ADAMTS1: variants seen among roughly 807,000 people sequenced by gnomAD.
ADAMTS1 encodes A disintegrin and metalloproteinase with thrombospondin motifs 1.
Under a neutral mutation model 87.9 loss-of-function variants are expected in ADAMTS1, and 19 were observed. The ratio of observed to expected loss-of-function variants is 0.22; its 90% CI spans 0.15 to 0.32. ADAMTS1 has a LOEUF of 0.32. Among genes scored for constraint, ADAMTS1 ranks in the 10% least tolerant of loss-of-function variants. The pLI, the probability that ADAMTS1 is intolerant of heterozygous loss-of-function variation, is 1.00. For missense variants in ADAMTS1, 1,240 were observed against 1,259.1 expected (o/e 0.98, Z 0.23); for synonymous variants, 542 against 501.8 (o/e 1.08, Z -1.07).
In ADAMTS1 at chr21:26,842,514, G is replaced by T. The variant is rs1985516311; in HGVS notation, c.902C>A (p.Ser301Ter). 6.2e-7 allele frequency: 1 copy of T among 1,614,080 alleles called. No individual in the cohort carries two copies. Among genetic ancestry groups the T allele is most frequent in the Non-Finnish European group, 8.5e-7 (1 of 1,180,048 alleles). The change falls in exon 2 of 9, where the codon TCA becomes TAA. Residue 301 changes from serine to a stop codon, truncating the protein, a stop_gained. Coordinates refer to ENST00000284984, the MANE Select transcript of ADAMTS1 (RefSeq NM_006988.5). LOFTEE classifies it high-confidence loss of function. ...GATCTTCACCACCACCAGGCTAACT[G>T]AATTACGAATGCTGGGGTGTTTGTA... is the stretch of plus-strand genomic sequence containing the variant. ...RLYKHPSIRNSVSLVVVKILV... is the reference protein window; with the variant it reads ...RLYKHPSIRN
In ADAMTS1 at chr21:26,842,140, C is replaced by G; in HGVS notation, c.1078-150G>C. 3 of 1,099,356 alleles carry G rather than the reference C, an allele frequency of 2.7e-6. No individual in the cohort carries two copies. The South Asian group carries it at 5.1e-5, about 19-fold the overall frequency. 68.1% of individuals were successfully genotyped at this position (1,099,356 alleles called of 1,614,324 possible). ...AAGACTTCATGTGACTTTAATCAAG[C>G]TTTTTTCTAATGCTTTTAAAATAGA... On this transcript the variant is annotated intron_variant, in intron 2 of 8. Transcript: ENST00000284984.
chr21:26,837,190 C>A lies in ADAMTS1; in HGVS notation c.*389G>T, dbSNP rs1353671108. The A allele has an allele frequency of 5.8e-6, 1 of 171,512 alleles. No individual in the cohort carries two copies. Among genetic ancestry groups the A allele is most frequent in the Non-Finnish European group, 1.3e-5 (1 of 78,680 alleles). 10.6% of individuals were successfully genotyped at this position (171,512 alleles called of 1,614,324 possible). On this transcript the variant is annotated 3_prime_UTR_variant, in exon 9 of 9. Coordinates refer to ENST00000284984, the MANE Select transcript of ADAMTS1 (RefSeq NM_006988.5). ...AAAATCTCACTTTTCTCCTACTTTT[C>A]ATTTCCCAACCCCCATGATACTAAG... is the stretch of plus-strand genomic sequence containing the variant.
chr21:26,842,313 C>T, intron 2 of ADAMTS1, 26 bp downstream of exon 2: 1 of 1,602,324 alleles, frequency 6.2e-7, no homozygotes, highest in Non-Finnish European at 8.5e-7. Flanking sequence ...AGGACAGTCT[C>T]ACAGCTGGTA....
At position 26,837,755 on chromosome 21, in the gene ADAMTS1, G is replaced by A. The variant is rs761926211; in HGVS notation, c.2728C>T (p.Pro910Ser). Reference sequence around the variant, plus strand: ...GACCACTCCCCCAGCTGCCACTGGGGGCAGGGATGGTCTGCACAAGGTCTG... The same window carrying A: ...GACCACTCCCCCAGCTGCCACTGGGAGCAGGGATGGTCTGCACAAGGTCTG... Reference protein sequence around the residue: ...STRPCADHPCPQWQLGEWSSC... With the variant: ...STRPCADHPCSQWQLGEWSSC... The change falls in exon 9 of 9, where the codon CCC becomes TCC. Residue 910 changes from proline (P) to serine (S), a missense_variant. By Grantham distance (74) the Pro-to-Ser change is moderately conservative. This residue lies in a region of ADAMTS1 where 402 missense variants were observed against 399.1 expected (regional missense o/e 1.01). Transcript: ENST00000284984. 3.1e-5 allele frequency: 50 copies of A among 1,614,014 alleles called. No homozygotes were observed. Among genetic ancestry groups the A allele is most frequent in the Admixed American group, 3.0e-4 (18 of 59,994 alleles).
chr21:26,842,501 C>T lies in ADAMTS1; in HGVS notation c.915G>A (p.Val305=), dbSNP rs140514122. The T allele has an allele frequency of 1.4e-5, 23 of 1,614,074 alleles. No homozygotes were observed. The African/African-American group carries it at 2.7e-4, about 19-fold the overall frequency. ...CGTGGATGACCAAGATCTTCACCAC[C>T]ACCAGGCTAACTGAATTACGAATGC... is the stretch of plus-strand genomic sequence containing the variant. ...HPSIRNSVSL[V]VVKILVIHDE... Residue 305 remains valine (V), a synonymous_variant, in exon 2 of 9, where the codon GTG becomes GTA. Transcript: ENST00000284984.
intron 1 of ADAMTS1, chr21:26,843,067 C>G (rs1351861871): frequency 3.6e-6 from 1 of 274,060 alleles, no homozygotes; most frequent in African/African-American, 2.3e-5. Context: ...GGGCTCAAAT[C>G]CTGAATGAGA....
intron 4 of ADAMTS1, 43 bp from the exon 5 acceptor site, chr21:26,840,605 G>C (rs1345639431): frequency 6.3e-7 from 1 of 1,581,484 alleles, no homozygotes; most frequent in African/African-American, 1.3e-5. Flanking sequence ...GAGTTAGTGA[G>C]GGCATGAAGG....
intron 7 of ADAMTS1, 188 bp from the exon 8 acceptor site, chr21:26,838,802 G>A (rs1367935771): frequency 1.9e-6 from 1 of 515,846 alleles, no homozygotes; most frequent in Non-Finnish European, 3.3e-6. Flanking sequence ...ATAGACATCT[G>A]AAGAAATTAG....
Position 26,837,257 on chromosome 21 carries a change from A to G in ADAMTS1, c.*322T>C, listed in dbSNP as rs1319308030. Reference sequence around the variant, plus strand: ...GGAAACAGGGGTTGTAATAGTTCTAACTTTTTTTGACAATTGCTTTGTTTT... The same window carrying G: ...GGAAACAGGGGTTGTAATAGTTCTAGCTTTTTTTGACAATTGCTTTGTTTT... On this transcript the variant is annotated 3_prime_UTR_variant, in exon 9 of 9. Transcript: ENST00000284984. 8.3e-6 allele frequency: 2 copies of G among 241,240 alleles called. No individual in the cohort carries two copies. Among genetic ancestry groups the G allele is most frequent in the Non-Finnish European group, 8.1e-6 (1 of 123,864 alleles). 14.9% of individuals were successfully genotyped at this position (241,240 alleles called of 1,614,324 possible).
rs891930040 is a variant in ADAMTS1 at position 26,836,813 on chromosome 21, T to A, written c.*766A>T. ...AGGAAAGAAAGGAAGTTGGAGGTAC[T>A]AAGCTCATTGTGTCTCCTCTAGCTT... On this transcript the variant is annotated 3_prime_UTR_variant, in exon 9 of 9. Transcript: ENST00000284984. 3 of 152,290 alleles carry A rather than the reference T, an allele frequency of 2.0e-5. No individual in the cohort carries two copies. The highest frequency in any genetic ancestry group is 7.2e-5 in the African/African-American group (3 of 41,466). 9.4% of individuals were successfully genotyped at this position (152,290 alleles called of 1,614,324 possible). A position where few individuals can be genotyped will look rare whatever the true frequency, so the allele number is the denominator to read the frequency against.
In ADAMTS1 at chr21:26,844,970, C is replaced by T; in HGVS notation, c.-16G>A. The T allele has an allele frequency of 6.7e-7, 1 of 1,496,648 alleles. No homozygotes were observed. The highest frequency in any genetic ancestry group is 1.4e-5 in the South Asian group (1 of 73,770). 92.7% of individuals were successfully genotyped at this position (1,496,648 alleles called of 1,614,324 possible). On this transcript the variant is annotated 5_prime_UTR_variant, in exon 1 of 9. Coordinates refer to ENST00000284984, the MANE Select transcript of ADAMTS1 (RefSeq NM_006988.5). ...CTCGCTGCATTGGAGCCCCAGGAGA[C>T]ACCGCTCGTAGCAGCGCACGGAGCG...
rs754388033 is a variant in ADAMTS1, at chr21:26,844,440, G to A, written c.515C>T (p.Ala172Val). The change falls in exon 1 of 9, where the codon GCC becomes GTC. Residue 172 changes from alanine to valine, a missense_variant. By Grantham distance (64) the Ala-to-Val change is moderately conservative. Transcript: ENST00000284984. Reference protein sequence around the residue: ...PAASERLATAAPGEKPPAPLQ... With the variant: ...PAASERLATAVPGEKPPAPLQ... ...TGGTGCCGGCGGCTTCTCCCCTGGG[G>A]CGGCGGTGGCGAGGCGCTCGCTGGC... 6.3e-7 allele frequency: 1 copy of A among 1,587,664 alleles called. No homozygotes were observed. The highest frequency in any genetic ancestry group is 1.7e-5 in the Admixed American group (1 of 57,602).
At position 26,839,781 on chromosome 21, in the gene ADAMTS1, G is replaced by GAT. The variant is rs1335385828; in HGVS notation, c.1853-21_1853-20dup. 7 of 1,603,708 alleles carry GAT rather than the reference G, an allele frequency of 4.4e-6. No homozygotes were observed. The East Asian group carries it at 1.6e-4, about 36-fold the overall frequency. ...GTTTTTCCTGGAAAGAGAATAATAT[G>GAT]ATAACATTATCAGTTTCCAATCTTG... On this transcript the variant is annotated intron_variant, in intron 6 of 8. Transcript: ENST00000284984.
chr21:26,836,464 C>T lies in ADAMTS1; in HGVS notation c.*1115G>A, dbSNP rs746375979. 6.6e-6 allele frequency: 1 copy of T among 152,466 alleles called. No homozygotes were observed. Among genetic ancestry groups the T allele is most frequent in the Non-Finnish European group, 1.5e-5 (1 of 68,002 alleles). The allele number at this position is 152,466 out of a possible 1,614,324, so 9.4% of individuals were successfully genotyped here. On this transcript the variant is annotated 3_prime_UTR_variant, in exon 9 of 9. Coordinates refer to ENST00000284984, the MANE Select transcript of ADAMTS1 (RefSeq NM_006988.5). ...TATAGTCCTTCTTGGAAGGAACACC[C>T]AAACCAATACTTATAAAGTACATGT...
At position 26,845,332 on chromosome 21, in the gene ADAMTS1, G is replaced by A. The variant is rs544247510; in HGVS notation, c.-378C>T. On this transcript the variant is annotated 5_prime_UTR_variant, in exon 1 of 9. Coordinates refer to ENST00000284984, the MANE Select transcript of ADAMTS1 (RefSeq NM_006988.5). ...GCTGCGATGTTGCTCACTCTGCTCA[G>A]GGCTCTCCCCTCTCCGTCCGGTAGC... The A allele has an allele frequency of 4.5e-5, 9 of 201,446 alleles. No homozygotes were observed. The highest frequency in any genetic ancestry group is 8.9e-5 in the Non-Finnish European group (9 of 101,028). 12.5% of individuals were successfully genotyped at this position (201,446 alleles called of 1,614,324 possible).
chr21:26,843,779 T>C (rs773557313), intron 1 of ADAMTS1: 1 of 485,920 alleles, frequency 2.1e-6, no homozygotes, highest in Admixed American at 2.1e-5. Context: ...CCTCTCCACA[T>C]CCGCCCTCCC....
chr21:26,842,735 T>G (rs1478817270), intron 1 of ADAMTS1, 50 bp from the exon 2 acceptor site: 1 of 1,510,620 alleles, frequency 6.6e-7, no homozygotes, highest in South Asian at 1.2e-5. Context: ...CCAAGAATAG[T>G]TACCTTCCTA....
chr21:26,842,012 A>G, intron 2 of ADAMTS1, 22 bp from the exon 3 acceptor site: 3 of 1,610,414 alleles, frequency 1.9e-6, no homozygotes, highest in South Asian at 1.1e-5. Context: ...AAAGGTAAAT[A>G]CTTATTAATA....
rs1985591642 is a variant in ADAMTS1 at position 26,844,962 on chromosome 21, C to G, written c.-8G>C. The G allele has an allele frequency of 6.7e-7, 1 of 1,498,004 alleles. No homozygotes were observed. Among genetic ancestry groups the G allele is most frequent in the African/African-American group, 1.4e-5 (1 of 71,140 alleles). 92.8% of individuals were successfully genotyped at this position (1,498,004 alleles called of 1,614,324 possible). A position where few individuals can be genotyped will look rare whatever the true frequency, so the allele number is the denominator to read the frequency against. ...GGGCACAGCTCGCTGCATTGGAGCC[C>G]CAGGAGACACCGCTCGTAGCAGCGC... On this transcript the variant is annotated 5_prime_UTR_variant, in exon 1 of 9. Transcript: ENST00000284984.
Sources: allele counts gnomAD v4.1 joint callset, GRCh38; gene constraint gnomAD v4.1.1; regional missense constraint gnomAD v4.1.1; transcripts MANE v1.5; gene names NCBI Gene and HGNC (gene_info 2026-07-23, HGNC 2026-07-21).